PRTG: variants seen among roughly 807,000 people sequenced by gnomAD.
PRTG encodes protogenin, also known as immunoglobulin superfamily, DCC subclass, member 5.
In PRTG, 67 loss-of-function variants were observed where a neutral mutation model predicts 122.5. The observed-to-expected ratio is 0.55, with a 90% CI of 0.45 to 0.67. The LOEUF (loss-of-function observed/expected upper bound fraction) is 0.67, where lower values mean the gene tolerates loss of function less well. Among genes scored for constraint, PRTG ranks in the 30% least tolerant of loss-of-function variants. The pLI is 0.00. For synonymous variants in PRTG, 554 were observed against 501.1 expected, an observed-to-expected ratio of 1.11 and a Z score of -1.41; for missense variants, 1,435 against 1,415.4, an observed-to-expected ratio of 1.01 and a Z score of -0.22.
chr15:55,695,200 T>C (rs1413697643), intron 2 of PRTG, among the ~76,000 whole-genome samples: 1 of 152,336 alleles, frequency 6.6e-6, no homozygotes, highest in East Asian at 1.9e-4. Context: ...AACACTTATA[T>C]GACTCTACAC....
At chr15:55,664,272 G>A (rs775598072) in intron 11 of PRTG, among the ~76,000 whole-genome samples, 18 of 152,036 alleles carry the variant, frequency 1.2e-4, no homozygotes, top group African/African-American at 4.1e-4. Context: ...CTTCCATATA[G>A]CTGGGATTAT....
chr15:55,668,397 A>G (rs901392110), intron 11 of PRTG, among the ~76,000 whole-genome samples: 1 of 152,186 alleles, frequency 6.6e-6, no homozygotes, highest in Non-Finnish European at 1.5e-5. Context: ...TTTAAAGCCA[A>G]TTTCTGAAAC....
intron 2 of PRTG, among the ~76,000 whole-genome samples, chr15:55,698,546 C>T (rs942199663): frequency 6.6e-6 from 1 of 152,202 alleles, no homozygotes; most frequent in African/African-American, 2.4e-5. Context: ...CTGCCTCAGC[C>T]TCCCAAAGTG....
intron 6 of PRTG, 131 bp downstream of exon 6, chr15:55,679,923 A>G (rs1209969127): frequency 2.8e-6 from 2 of 713,756 alleles, no homozygotes; most frequent in Non-Finnish European, 4.6e-6. Flanking sequence ...TTTTTTCCTG[A>G]AATTCATCAT....
intron 15 of PRTG, 75 bp downstream of exon 15, chr15:55,637,095 G>T: frequency 8.4e-7 from 1 of 1,197,242 alleles, no homozygotes; most frequent in Non-Finnish European, 1.1e-6. Flanking sequence ...ATAAACTCTA[G>T]ATTCCCCTTT....
chr15:55,697,319 C>T (rs191285033), intron 2 of PRTG, among the ~76,000 whole-genome samples: 301 of 152,264 alleles, frequency 2.0e-3, no homozygotes, highest in Non-Finnish European at 3.7e-3. Context: ...GTCTGTGTTG[C>T]TAACAGCCAG....
intron 2 of PRTG, among the ~76,000 whole-genome samples, chr15:55,738,963 GA>G (rs1338532282): frequency 5.3e-5 from 8 of 151,718 alleles, no homozygotes; most frequent in Non-Finnish European, 1.5e-5. Flanking sequence ...AGGGGAGAGA[GA>G]GGAAGGAAGA....
chr15:55,726,081 T>C (rs1438531789), intron 2 of PRTG, among the ~76,000 whole-genome samples: 4 of 152,112 alleles, frequency 2.6e-5, no homozygotes, highest in African/African-American at 9.7e-5. Context: ...GTAGTAGGAT[T>C]ATAGGCACGT....
chr15:55,663,682 C>A (rs1481974502), intron 11 of PRTG, among the ~76,000 whole-genome samples: 22 of 151,878 alleles, frequency 1.4e-4, no homozygotes, highest in Admixed American at 1.3e-3. Flanking sequence ...GCTGGGATTA[C>A]AGGTACCAGC....
chr15:55,723,042 T>C (rs193254617), intron 2 of PRTG, among the ~76,000 whole-genome samples: 3 of 152,254 alleles, frequency 2.0e-5, no homozygotes, highest in Non-Finnish European at 4.4e-5. Context: ...CCCTGGCCTA[T>C]ACCACACACT....
At chr15:55,693,139 G>A (rs918470101) in intron 2 of PRTG, among the ~76,000 whole-genome samples, 2 of 151,874 alleles carry the variant, frequency 1.3e-5, no homozygotes, top group East Asian at 1.9e-4. Context: ...GTGAGCCACC[G>A]CGCCAAGCCA....
intron 14 of PRTG, 22 bp downstream of exon 14, chr15:55,638,527 T>C (rs2059270655): frequency 6.4e-7 from 1 of 1,574,468 alleles, no homozygotes; most frequent in Non-Finnish European, 8.6e-7. Context: ...AGATAAAATC[T>C]ATAGGGAGCT....
At chr15:55,638,919 A>C (rs377456966) in intron 13 of PRTG, among the ~76,000 whole-genome samples, 14 of 152,224 alleles carry the variant, frequency 9.2e-5, no homozygotes, top group East Asian at 3.9e-4. Flanking sequence ...AAATGTCCCA[A>C]TACAAAGGGA....
intron 2 of PRTG, among the ~76,000 whole-genome samples, chr15:55,719,054 T>C (rs1003853104): frequency 6.6e-6 from 1 of 152,170 alleles, no homozygotes; most frequent in African/African-American, 2.4e-5. Context: ...CTCAAATTAC[T>C]TTTTGAAAAG....
At chr15:55,709,543 G>A (rs2030297552) in intron 2 of PRTG, among the ~76,000 whole-genome samples, 1 of 151,858 alleles carries the variant, frequency 6.6e-6, no homozygotes, top group Admixed American at 6.6e-5. Flanking sequence ...CTACCCAAGT[G>A]AAATTAGTTC....
chr15:55,707,234 C>A (rs536590313), intron 2 of PRTG, among the ~76,000 whole-genome samples: 2 of 152,162 alleles, frequency 1.3e-5, no homozygotes, highest in Admixed American at 6.5e-5. Context: ...CCTGCCTATA[C>A]AAAGGCTCCT....
intron 2 of PRTG, chr15:55,738,071 A>AATAAATATATATATATATAT (rs1555438620): frequency 9.5e-6 from 1 of 105,440 alleles, no homozygotes; most frequent in Non-Finnish European, 2.1e-5. Context: ...TCTTCCTGTA[A>AATAAATATATATATATATAT]ATATATATAT....
At chr15:55,669,722 G>A (rs2059457818) in intron 11 of PRTG, among the ~76,000 whole-genome samples, 1 of 152,184 alleles carries the variant, frequency 6.6e-6, no homozygotes, top group South Asian at 2.1e-4. Context: ...CTGCATCTCT[G>A]CTAGTCAGTC....
At chr15:55,711,170 C>G (rs1440978826) in intron 2 of PRTG, among the ~76,000 whole-genome samples, 1 of 114,558 alleles carries the variant, frequency 8.7e-6, no homozygotes, top group Non-Finnish European at 1.8e-5. Flanking sequence ...GATCCACCTG[C>G]TTTGGCCTCC....
Sources: gnomAD v4.1 joint callset for allele counts (sites outside exome capture counted in the v4.1 genomes callset) on GRCh38, gnomAD v4.1.1 for gene constraint, MANE v1.5 for transcripts, NCBI Gene and HGNC (gene_info 2026-07-23, HGNC 2026-07-21) for gene names.